The following MEG3 variants were observed in gnomAD, a reference collection of about 807,000 sequenced individuals.
MEG3 encodes maternally expressed 3, also known as Very putative protein from MEG3 locus.
At chr14:100,831,595 A>G (rs1450287548), downstream of MEG3, 2 of 152,258 alleles carry the variant, frequency 1.3e-5, no homozygotes, top group East Asian at 1.9e-4. Context: ...ACAAGGACAC[A>G]TTTTCATGCC....
intron 2 of MEG3, among the ~76,000 whole-genome samples, chr14:100,839,901 C>T (rs1045348578): frequency 4.6e-5 from 7 of 152,216 alleles, no homozygotes; most frequent in Non-Finnish European, 8.8e-5. Flanking sequence ...GGGTTTGAGT[C>T]AGGTCCTGAG....
chr14:100,827,083 T>C (rs1382776844), intron 1 of MEG3, among the ~76,000 whole-genome samples: 1 of 151,624 alleles, frequency 6.6e-6, no homozygotes. Flanking sequence ...GAGCTGGGGA[T>C]GGGGTGCCGC....
chr14:100,859,758 A>T (rs956358544), exon 1 of MEG3: 1 of 152,140 alleles, frequency 6.6e-6, no homozygotes, highest in African/African-American at 2.4e-5. Flanking sequence ...GGTTACTTGA[A>T]TCACCCTGAG....
chr14:100,852,502 T>G, upstream of MEG3: 1 of 502,536 alleles, frequency 2.0e-6, no homozygotes, highest in Non-Finnish European at 4.1e-6. Flanking sequence ...TCTTTCAGAA[T>G]CTGGGGCTCC....
chr14:100,849,624 TAAAG>T (rs1311821749), intron 3 of MEG3: 1 of 151,480 alleles, frequency 6.6e-6, no homozygotes. Flanking sequence ...AAAGGGAAAA[TAAAG>T]AAAAACCAAT....
intron 2 of MEG3, among the ~76,000 whole-genome samples, chr14:100,841,703 G>C (rs1344368353): frequency 6.6e-6 from 1 of 152,224 alleles, no homozygotes; most frequent in Non-Finnish European, 1.5e-5. Context: ...AGGTTCCAAG[G>C]GGCTGCCCCA....
At chr14:100,835,041 G>A (rs1188561647) in exon 1 of MEG3, 2 of 349,208 alleles carry the variant, frequency 5.7e-6, no homozygotes, top group Admixed American at 7.5e-5. Flanking sequence ...TCCCCAGGAG[G>A]GCGGGCCGGG....
chr14:100,852,761 A>G (rs1206970138), upstream of MEG3: 3 of 224,612 alleles, frequency 1.3e-5, no homozygotes, highest in East Asian at 1.3e-4. Context: ...GCATGCACCA[A>G]GAGGAAATTG....
At chr14:100,832,454 C>G (rs577784386), downstream of MEG3, 2 of 152,684 alleles carry the variant, frequency 1.3e-5, no homozygotes, top group East Asian at 1.9e-4. Context: ...TCCCCCTTAC[C>G]CTGGCGGTGT....
At chr14:100,827,085 G>A (rs1283037443) in intron 1 of MEG3, among the ~76,000 whole-genome samples, 1 of 152,118 alleles carries the variant, frequency 6.6e-6, no homozygotes, top group East Asian at 1.9e-4. Context: ...GCTGGGGATG[G>A]GGTGCCGCGG....
chr14:100,851,403 C>T (rs2038070968), intron 3 of MEG3: 1 of 152,262 alleles, frequency 6.6e-6, no homozygotes, highest in Non-Finnish European at 1.5e-5. Flanking sequence ...GGGTGTGGCA[C>T]CTACTCACAT....
Position 100,845,376 on chromosome 14 carries a change from A to C in MEG3, n.3046-82A>C, listed in dbSNP as rs913290186. On this transcript the variant is annotated intron_variant and non_coding_transcript_variant, in intron 2 of 3. Coordinates refer to the MEG3 transcript ENST00000398461. This position sits in a 1 kb window ranked among gnomAD's most constrained non-coding sequence, Gnocchi z 5.2. ...CAGGCCACCCCTGCCCGCCCCCCAGAGCTGTTGTCCTCATCCGCCCTCCTC... is the reference window on the plus strand; with the variant it reads ...CAGGCCACCCCTGCCCGCCCCCCAGCGCTGTTGTCCTCATCCGCCCTCCTC... 2.5e-6 allele frequency: 1 copy of C among 395,306 alleles called. No homozygotes were observed. Among genetic ancestry groups the C allele is most frequent in the Non-Finnish European group, 5.1e-6 (1 of 197,208 alleles). The allele number at this position is 395,306 out of a possible 1,614,324, so 24.5% of individuals were successfully genotyped here.
At chr14:100,832,696 AT>A (rs2037432494), downstream of MEG3, 1 of 152,550 alleles carries the variant, frequency 6.6e-6, no homozygotes, top group South Asian at 2.1e-4. Context: ...CACACTTCTA[AT>A]TTTGGTGATG....
At chr14:100,840,801 A>G (rs1297833282) in intron 2 of MEG3, among the ~76,000 whole-genome samples, 1 of 152,204 alleles carries the variant, frequency 6.6e-6, no homozygotes, top group Non-Finnish European at 1.5e-5. Context: ...AAGAGACAGA[A>G]TGGGGCTGCG....
chr14:100,834,909 G>A (rs1253333952), exon 1 of MEG3: 3 of 425,764 alleles, frequency 7.0e-6, no homozygotes, highest in Non-Finnish European at 1.4e-5. Context: ...TGCTGGTCGC[G>A]TCCCTGCATT....
chr14:100,840,389 ATG>A (rs1053590680), intron 2 of MEG3, among the ~76,000 whole-genome samples: 1 of 151,780 alleles, frequency 6.6e-6, no homozygotes, highest in African/African-American at 2.4e-5. Context: ...GCCGAGAGGA[ATG>A]TGGGGGAGCC....
rs778790459 is a variant in MEG3, at chr14:100,845,354, G to A, written n.3046-104G>A. On this transcript the variant is annotated intron_variant and non_coding_transcript_variant, in intron 2 of 3. Transcript: ENST00000398461. This position sits in a 1 kb window ranked among gnomAD's most constrained non-coding sequence, Gnocchi z 5.2. ...GGAGGTTGGGGAGTCTCTGCTCCAG[G>A]CCACCCCTGCCCGCCCCCCAGAGCT... The A allele has an allele frequency of 2.7e-6, 1 of 368,310 alleles. No individual in the cohort carries two copies. The highest frequency in any genetic ancestry group is 5.5e-6 in the Non-Finnish European group (1 of 183,040). 22.8% of individuals were successfully genotyped at this position (368,310 alleles called of 1,614,324 possible).
At chr14:100,855,948 C>G (rs754462977), upstream of MEG3, 1 of 152,186 alleles carries the variant, frequency 6.6e-6, no homozygotes, top group East Asian at 1.9e-4. Context: ...CAGCCCATAT[C>G]CTCGAGAGGC....
At chr14:100,857,255 G>A (rs1419693229) in exon 1 of MEG3, 1 of 152,202 alleles carries the variant, frequency 6.6e-6, no homozygotes, top group East Asian at 1.9e-4. Flanking sequence ...ATGTTAGAAA[G>A]CGCGTAGCCT....
Sources: allele counts gnomAD v4.1 joint callset (sites outside exome capture counted in the v4.1 genomes callset), GRCh38; gene constraint gnomAD v4.1.1; non-coding constraint Gnocchi (gnomAD v3.1); transcripts MANE v1.5; gene names NCBI Gene and HGNC (gene_info 2026-07-23, HGNC 2026-07-21).